Variants in GRIK2 observed in about 807,000 individuals in gnomAD.
The protein encoded by GRIK2 is glutamate ionotropic receptor kainate type subunit 2, also known as glutamate receptor ionotropic, kainate 2.
In GRIK2, 32 loss-of-function variants were observed where a neutral mutation model predicts 100.3. The ratio of observed to expected loss-of-function variants is 0.32; its 90% confidence interval spans 0.24 to 0.43. GRIK2 has a LOEUF of 0.43. GRIK2 is among the 20% of genes least tolerant of loss of function. GRIK2 has a pLI of 1.00. For synonymous variants in GRIK2, 417 were observed against 389.4 expected, an observed-to-expected ratio of 1.07 and a Z score of -0.83; for missense variants, 843 against 1,114.9, an observed-to-expected ratio of 0.76 and a Z score of 3.47.
intron 2 of GRIK2, among the ~76,000 whole-genome samples, chr6:101,544,427 T>A (rs76967900): frequency 0.01 from 1,565 of 152,294 alleles, 21 homozygotes; most frequent in African/African-American, 0.034. Context: ...GCCTTCTGTG[T>A]ACCCCGGGGG....
At chr6:101,989,549 ATT>A (rs1794240134) in intron 14 of GRIK2, among the ~76,000 whole-genome samples, 1 of 150,588 alleles carries the variant, frequency 6.6e-6, no homozygotes, top group African/African-American at 2.4e-5. Context: ...AAGCAGAAAA[ATT>A]AGTTAGTTAA....
chr6:101,792,975 T>C (rs866151681), intron 7 of GRIK2, among the ~76,000 whole-genome samples: 2 of 152,164 alleles, frequency 1.3e-5, no homozygotes, highest in African/African-American at 4.8e-5. Context: ...CCATCACTGA[T>C]ACCCTTTCTT....
At chr6:101,734,011 C>A (rs1707833513) in intron 7 of GRIK2, among the ~76,000 whole-genome samples, 1 of 152,004 alleles carries the variant, frequency 6.6e-6, no homozygotes, top group Non-Finnish European at 1.5e-5. Flanking sequence ...TTCCTATTAT[C>A]ACCACTTAAT....
At chr6:101,497,045 C>G (rs541742616) in intron 2 of GRIK2, among the ~76,000 whole-genome samples, 1 of 152,212 alleles carries the variant, frequency 6.6e-6, no homozygotes, top group Non-Finnish European at 1.5e-5. Context: ...TGCTCACTCA[C>G]TCTGCTCCAG....
chr6:101,912,581 G>C (rs1788813865), intron 12 of GRIK2, among the ~76,000 whole-genome samples: 1 of 151,542 alleles, frequency 6.6e-6, no homozygotes, highest in African/African-American at 2.4e-5. Context: ...CCAAAATCCT[G>C]CTAACAGGGG....
intron 14 of GRIK2, among the ~76,000 whole-genome samples, chr6:102,028,096 T>C (rs1018038929): frequency 6.6e-6 from 1 of 151,160 alleles, no homozygotes; most frequent in Non-Finnish European, 1.5e-5. Context: ...AATTTCCAGG[T>C]TGCAAACTTT....
intron 11 of GRIK2, among the ~76,000 whole-genome samples, chr6:101,867,023 C>A (rs550123492): frequency 6.6e-6 from 1 of 151,726 alleles, no homozygotes; most frequent in South Asian, 2.1e-4. Context: ...TGGAAAAATT[C>A]TTTTTTAACT....
intron 4 of GRIK2, among the ~76,000 whole-genome samples, chr6:101,632,304 C>G (rs1780786385): frequency 6.6e-6 from 1 of 152,124 alleles, no homozygotes; most frequent in Non-Finnish European, 1.5e-5. Context: ...GGATCTTCTA[C>G]TGGATCAACC....
chr6:101,539,480 A>G (rs1775881797), intron 2 of GRIK2, among the ~76,000 whole-genome samples: 1 of 151,788 alleles, frequency 6.6e-6, no homozygotes, highest in South Asian at 2.1e-4. Context: ...TATATCAACT[A>G]TAAAGTGTCA....
chr6:101,432,701 A>G (rs1454139964), intron 2 of GRIK2, among the ~76,000 whole-genome samples: 1 of 152,168 alleles, frequency 6.6e-6, no homozygotes, highest in Non-Finnish European at 1.5e-5. Context: ...GGGTATGATG[A>G]ATTTGTTATG....
At chr6:101,465,846 G>A (rs568246658) in intron 2 of GRIK2, among the ~76,000 whole-genome samples, 1 of 152,288 alleles carries the variant, frequency 6.6e-6, no homozygotes, top group East Asian at 1.9e-4. Flanking sequence ...GCATTTCTGA[G>A]AAAGAAAATT....
intron 10 of GRIK2, among the ~76,000 whole-genome samples, chr6:101,846,693 C>G (rs1005362945): frequency 1.3e-5 from 2 of 151,832 alleles, no homozygotes; most frequent in African/African-American, 4.8e-5. Flanking sequence ...TCTTTATTTT[C>G]TCTAGATATA....
intron 14 of GRIK2, among the ~76,000 whole-genome samples, chr6:102,023,947 C>T (rs550101935): frequency 1.1e-4 from 17 of 151,224 alleles, no homozygotes; most frequent in Admixed American, 4.0e-4. Flanking sequence ...GTCTTTAATG[C>T]GCATGAGGCT....
chr6:101,564,217 G>T (rs1034953575), intron 2 of GRIK2, among the ~76,000 whole-genome samples: 1 of 151,990 alleles, frequency 6.6e-6, no homozygotes, highest in African/African-American at 2.4e-5. Context: ...TTCTTATTTT[G>T]TTACAATACT....
At chr6:101,656,717 T>C (rs761894585) in intron 4 of GRIK2, among the ~76,000 whole-genome samples, 25 of 152,158 alleles carry the variant, frequency 1.6e-4, no homozygotes, top group Non-Finnish European at 3.7e-4. Context: ...CTGTATTACA[T>C]CTTTACTGAA....
rs138737820 is a variant in GRIK2 at position 101,751,613 on chromosome 6, T to C, written c.952-48035T>C. ...CTTACAAACTTCATTTTTTCCCCCCTACCATTGGGTTTTTGGAATAGGGAT... is the reference window on the plus strand; with the variant it reads ...CTTACAAACTTCATTTTTTCCCCCCCACCATTGGGTTTTTGGAATAGGGAT... On this transcript the variant is annotated intron_variant, in intron 7 of 16. Transcript: ENST00000369134. Among the ~76,000 whole-genome samples the C allele has an allele frequency of 1.2e-3, 180 of 152,252 alleles. No homozygotes were observed. The East Asian group carries it at 0.024, about 21-fold the overall frequency.
chr6:101,956,859 C>CATAT (rs200926433), intron 14 of GRIK2, among the ~76,000 whole-genome samples: 22 of 146,824 alleles, frequency 1.5e-4, no homozygotes, highest in South Asian at 4.2e-4. Context: ...TAGATATATA[C>CATAT]ATATATATAT....
chr6:101,409,084 T>C (rs976826119), intron 2 of GRIK2, among the ~76,000 whole-genome samples: 2 of 151,192 alleles, frequency 1.3e-5, no homozygotes, highest in African/African-American at 4.9e-5. Context: ...TTCCAAGACA[T>C]TTCTATTACC....
intron 2 of GRIK2, among the ~76,000 whole-genome samples, chr6:101,544,925 T>C (rs972101910): frequency 6.6e-6 from 1 of 152,208 alleles, no homozygotes; most frequent in African/African-American, 2.4e-5. Context: ...TATACAGTAG[T>C]GCTTTTAAAT....
Sources: allele counts gnomAD v4.1 joint callset (sites outside exome capture counted in the v4.1 genomes callset), GRCh38; gene constraint gnomAD v4.1.1; transcripts MANE v1.5; gene names NCBI Gene and HGNC (gene_info 2026-07-23, HGNC 2026-07-21).